Variants in SND1 observed in about 807,000 individuals in gnomAD.
SND1 encodes staphylococcal nuclease and tudor domain containing 1, also known as staphylococcal nuclease domain-containing protein 1.
In SND1, 38 loss-of-function variants were observed where a neutral mutation model predicts 121.7. The observed-to-expected ratio is 0.31, with a 90% CI of 0.24 to 0.41. The LOEUF is 0.41. Among genes scored for constraint, SND1 ranks in the 10% least tolerant of loss-of-function variants. The probability of loss-of-function intolerance (pLI) is 1.00; values close to 1 mark genes in which losing one functional copy is unlikely to be tolerated. For missense variants in SND1, 868 were observed against 1,184.6 expected (o/e 0.73, Z 3.92); for synonymous variants, 401 against 447.4 (o/e 0.90, Z 1.31).
chr7:128,003,164 C>T (rs940837596), intron 16 of SND1, among the ~76,000 whole-genome samples: 1 of 152,012 alleles, frequency 6.6e-6, no homozygotes, highest in African/African-American at 2.4e-5. Flanking sequence ...GAGCCGAAAT[C>T]GTGCCACTGC....
intron 13 of SND1, chr7:127,904,505 A>C (rs1800293895): frequency 2.9e-6 from 1 of 344,822 alleles, no homozygotes; most frequent in African/African-American, 2.1e-5. Flanking sequence ...ATTACTAAGC[A>C]CACTGTTAGT....
chr7:127,997,877 G>A (rs773794200), intron 16 of SND1: 1 of 534,746 alleles, frequency 1.9e-6, no homozygotes, highest in Non-Finnish European at 3.8e-6. Context: ...GTTCTGGAAG[G>A]TGCACCACCT....
At chr7:127,904,714 GT>G (rs745513333) in intron 13 of SND1, 32 bp from the exon 14 acceptor site, 9 of 1,480,794 alleles carry the variant, frequency 6.1e-6, no homozygotes, top group Non-Finnish European at 7.6e-6. Flanking sequence ...TGTGATTCTT[GT>G]TTTAATCGGT....
chr7:127,970,438 T>G (rs1291095603), intron 15 of SND1, among the ~76,000 whole-genome samples: 1 of 152,254 alleles, frequency 6.6e-6, no homozygotes, highest in African/African-American at 2.4e-5. Context: ...TTTCTCCAGC[T>G]ATAACATTTT....
At chr7:127,665,909 G>C (rs1171961692) in intron 1 of SND1, among the ~76,000 whole-genome samples, 1 of 152,178 alleles carries the variant, frequency 6.6e-6, no homozygotes, top group Non-Finnish European at 1.5e-5. Flanking sequence ...GAAAAGTGGT[G>C]CATTCTATTC....
At chr7:127,883,816 G>T (rs1799843363) in intron 12 of SND1, among the ~76,000 whole-genome samples, 1 of 152,134 alleles carries the variant, frequency 6.6e-6, no homozygotes, top group Non-Finnish European at 1.5e-5. Context: ...CTTCTGAAGA[G>T]TACAGGTCAG....
chr7:127,680,301 C>T (rs1342069470), intron 1 of SND1, among the ~76,000 whole-genome samples: 2 of 151,632 alleles, frequency 1.3e-5, no homozygotes, highest in Admixed American at 6.6e-5. Context: ...TTTCAGGCAC[C>T]ATTGTCATTG....
chr7:127,966,243 C>T (rs1045380484), intron 15 of SND1, among the ~76,000 whole-genome samples: 1 of 151,750 alleles, frequency 6.6e-6, no homozygotes, highest in Non-Finnish European at 1.5e-5. Context: ...GACTCCCACA[C>T]ATTAATAATG....
At position 127,703,343 on chromosome 7, in the gene SND1, C is replaced by T; in HGVS notation, c.840+20C>T. 6.2e-7 allele frequency: 1 copy of T among 1,612,796 alleles called. No homozygotes were observed. The highest frequency in any genetic ancestry group is 1.7e-4 in the Middle Eastern group (1 of 6,014). On this transcript the variant is annotated intron_variant, in intron 7 of 23. Coordinates refer to ENST00000354725, the MANE Select transcript of SND1 (RefSeq NM_014390.4). ...CATCCAGTGAGTGTGTCTGTGCAGACTGGGTGGTGATGGGCTAGGGATGCA... is the reference window on the plus strand; with the variant it reads ...CATCCAGTGAGTGTGTCTGTGCAGATTGGGTGGTGATGGGCTAGGGATGCA...
intron 16 of SND1, among the ~76,000 whole-genome samples, chr7:128,031,783 C>A (rs1584751247): frequency 6.9e-6 from 1 of 145,590 alleles, no homozygotes; most frequent in Non-Finnish European, 1.5e-5. Context: ...CGCCCGTCGC[C>A]GCCCGCCGCT....
At chr7:127,889,917 G>A (rs976384995) in intron 13 of SND1, among the ~76,000 whole-genome samples, 4 of 151,932 alleles carry the variant, frequency 2.6e-5, no homozygotes, top group Middle Eastern at 6.8e-3. Context: ...TTCTTTATCC[G>A]TTCATCTGTT....
intron 10 of SND1, among the ~76,000 whole-genome samples, chr7:127,782,374 T>G (rs1226360218): frequency 1.3e-5 from 2 of 152,226 alleles, no homozygotes; most frequent in African/African-American, 4.8e-5. Context: ...CACATTGGCC[T>G]GCACTGCCTT....
Position 128,085,908 on chromosome 7 carries a change from T to A in SND1, c.2304+128T>A. The A allele has an allele frequency of 3.7e-6, 3 of 821,754 alleles. No homozygotes were observed. The highest frequency in any genetic ancestry group is 6.0e-6 in the Non-Finnish European group (3 of 502,460). 50.9% of individuals were successfully genotyped at this position (821,754 alleles called of 1,614,324 possible). Reference sequence around the variant, plus strand: ...ACAATGAGCATTGGGGCATCTCTGCTGTGCGTGTAACAGGCCAGGCCCCCT... The same window carrying A: ...ACAATGAGCATTGGGGCATCTCTGCAGTGCGTGTAACAGGCCAGGCCCCCT... On this transcript the variant is annotated intron_variant, in intron 20 of 23. Coordinates refer to ENST00000354725, the MANE Select transcript of SND1 (RefSeq NM_014390.4). The surrounding 1 kb of genome is among the most constrained non-coding windows in gnomAD (Gnocchi z 4.4).
intron 10 of SND1, among the ~76,000 whole-genome samples, chr7:127,736,668 ACT>A (rs1426442088): frequency 6.6e-6 from 1 of 152,138 alleles, no homozygotes; most frequent in Non-Finnish European, 1.5e-5. Context: ...CTGGCAGTAC[ACT>A]CTCTAATCAC....
intron 10 of SND1, among the ~76,000 whole-genome samples, chr7:127,786,615 TTTTTGTTTTG>T (rs372698626): frequency 2.6e-5 from 4 of 152,106 alleles, no homozygotes; most frequent in Admixed American, 2.0e-4. Context: ...GCATAGTGTT[TTTTTGTTTTG>T]TTTTGTTTTG....
intron 11 of SND1, among the ~76,000 whole-genome samples, chr7:127,843,708 C>A (rs938451846): frequency 6.6e-6 from 1 of 152,172 alleles, no homozygotes; most frequent in Non-Finnish European, 1.5e-5. Context: ...TATCCATGGG[C>A]AGGTTTTGTG....
intron 14 of SND1, among the ~76,000 whole-genome samples, chr7:127,915,993 CAT>C (rs879769607): frequency 7.1e-4 from 67 of 94,432 alleles, no homozygotes; most frequent in African/African-American, 2.5e-3. Flanking sequence ...ATTAGAACAG[CAT>C]ATGTGTGTGT....
At chr7:128,002,805 C>T (rs1802867704) in intron 16 of SND1, among the ~76,000 whole-genome samples, 1 of 152,196 alleles carries the variant, frequency 6.6e-6, no homozygotes, top group Non-Finnish European at 1.5e-5. Context: ...CTTTGTGTCT[C>T]CATACTTTCC....
At chr7:127,788,670 C>T (rs1335385684) in intron 10 of SND1, among the ~76,000 whole-genome samples, 2 of 152,170 alleles carry the variant, frequency 1.3e-5, no homozygotes, top group Admixed American at 6.5e-5. Context: ...CTTCAGAAAT[C>T]GCTTTGAATG....
Sources: allele counts gnomAD v4.1 joint callset (sites outside exome capture counted in the v4.1 genomes callset), GRCh38; gene constraint gnomAD v4.1.1; non-coding constraint Gnocchi (gnomAD v3.1); transcripts MANE v1.5; gene names NCBI Gene and HGNC (gene_info 2026-07-23, HGNC 2026-07-21).